Variants in PTPRD observed in about 807,000 individuals in gnomAD.
PTPRD encodes receptor-type tyrosine-protein phosphatase delta.
In PTPRD, 34 loss-of-function variants were observed where a neutral mutation model predicts 214.5. That is an observed-to-expected ratio of 0.16 (90% CI 0.12 to 0.21). PTPRD has a LOEUF of 0.21. PTPRD is among the 10% of genes least tolerant of loss of function. The probability of loss-of-function intolerance (pLI) is 1.00; values close to 1 mark genes in which losing one functional copy is unlikely to be tolerated. For missense variants in PTPRD, 2,545 were observed against 2,398.7 expected (o/e 1.06, Z -1.27); for synonymous variants, 1,128 against 845.7 (o/e 1.33, Z -5.79).
At chr9:9,360,972 T>G (rs1188822774) in intron 9 of PTPRD, among the ~76,000 whole-genome samples, 1 of 151,152 alleles carries the variant, frequency 6.6e-6, no homozygotes, top group Non-Finnish European at 1.5e-5. Context: ...AAGAAAGAAC[T>G]GCAGTGCCAA....
intron 5 of PTPRD, among the ~76,000 whole-genome samples, chr9:9,874,276 T>A (rs1377031237): frequency 6.6e-6 from 1 of 152,168 alleles, no homozygotes; most frequent in Non-Finnish European, 1.5e-5. Flanking sequence ...AAGCTGGCTA[T>A]TATTCATTTT....
intron 9 of PTPRD, among the ~76,000 whole-genome samples, chr9:9,392,012 CAG>C (rs2140946758): frequency 6.6e-6 from 1 of 152,098 alleles, no homozygotes; most frequent in African/African-American, 2.4e-5. Flanking sequence ...TCTTAAGCAA[CAG>C]AGAAAATTTA....
At chr9:10,507,191 T>C (rs1350737604) in intron 2 of PTPRD, among the ~76,000 whole-genome samples, 1 of 152,080 alleles carries the variant, frequency 6.6e-6, no homozygotes, top group African/African-American at 2.4e-5. Flanking sequence ...TGAACTCCCA[T>C]TCACGATTGC....
At chr9:10,490,230 G>A (rs1040035422) in intron 2 of PTPRD, among the ~76,000 whole-genome samples, 13 of 152,060 alleles carry the variant, frequency 8.5e-5, no homozygotes, top group African/African-American at 2.7e-4. Flanking sequence ...GATTATTAGG[G>A]AACTAATGAC....
intron 12 of PTPRD, chr9:8,701,297 C>A (rs2098078099): frequency 6.6e-6 from 1 of 152,216 alleles, no homozygotes; most frequent in African/African-American, 2.4e-5. Flanking sequence ...TATTTCAACT[C>A]AAGTATTATA....
intron 9 of PTPRD, among the ~76,000 whole-genome samples, chr9:9,393,716 C>G (rs748391457): frequency 6.4e-4 from 97 of 152,130 alleles, no homozygotes; most frequent in Admixed American, 2.6e-3. Flanking sequence ...GTAGTTTAAG[C>G]TTTCTAATCC....
intron 12 of PTPRD, among the ~76,000 whole-genome samples, chr9:8,702,915 T>C (rs960826924): frequency 5.3e-5 from 8 of 152,172 alleles, no homozygotes; most frequent in East Asian, 3.9e-4. Flanking sequence ...CCATAAGATA[T>C]ACAATTTAGT....
intron 3 of PTPRD, among the ~76,000 whole-genome samples, chr9:10,302,517 C>T (rs544037516): frequency 1.3e-5 from 2 of 152,254 alleles, no homozygotes; most frequent in South Asian, 4.1e-4. Flanking sequence ...ATTCGGGAGA[C>T]CCATCTCACG....
intron 5 of PTPRD, among the ~76,000 whole-genome samples, chr9:9,929,463 G>A (rs895816486): frequency 2.6e-5 from 4 of 152,156 alleles, no homozygotes; most frequent in Admixed American, 2.6e-4. Context: ...GCGTGATCTT[G>A]TCTCACTGCA....
intron 9 of PTPRD, among the ~76,000 whole-genome samples, chr9:9,353,968 G>T (rs1195778083): frequency 6.6e-6 from 1 of 151,596 alleles, no homozygotes; most frequent in African/African-American, 2.4e-5. Context: ...CTTTGTGATG[G>T]AATGACTGCG....
Position 9,881,274 on chromosome 9 carries a change from C to A in PTPRD, c.-368+57233G>T, listed in dbSNP as rs1435480060. On this transcript the variant is annotated intron_variant, in intron 5 of 45. Coordinates refer to ENST00000381196, the MANE Select transcript of PTPRD (RefSeq NM_002839.4). ...CAATCATCTTTTGGATACATATCTA[C>A]AACTTGACTATCAGCTATTTAATAT... is the stretch of plus-strand genomic sequence containing the variant. Among the ~76,000 whole-genome samples the A allele has an allele frequency of 5.9e-5, 9 of 152,228 alleles. No homozygotes were observed. In the East Asian group the frequency reaches 1.7e-3, roughly 29 times the overall value.
chr9:8,366,359 C>T (rs543101521), intron 39 of PTPRD, among the ~76,000 whole-genome samples: 7 of 152,040 alleles, frequency 4.6e-5, no homozygotes, highest in Non-Finnish European at 1.0e-4. Flanking sequence ...ACTGCTGCCT[C>T]TCCCTTGATG....
At chr9:10,535,959 C>A (rs2757868) in intron 2 of PTPRD, among the ~76,000 whole-genome samples, 27,823 of 152,046 alleles carry the variant, frequency 0.18, 3,336 homozygotes, top group East Asian at 0.51. Context: ...TGGTTTTGGG[C>A]TTCAAAAATC....
chr9:10,322,838 G>A (rs1408164524), intron 3 of PTPRD, among the ~76,000 whole-genome samples: 1 of 151,980 alleles, frequency 6.6e-6, no homozygotes, highest in African/African-American at 2.4e-5. Context: ...GTGCCAACAT[G>A]TCATCAGGGA....
intron 4 of PTPRD, among the ~76,000 whole-genome samples, chr9:10,033,277 A>C (rs1006706311): frequency 7.9e-5 from 12 of 151,892 alleles, no homozygotes; most frequent in African/African-American, 2.9e-4. Flanking sequence ...ATTGAAACAT[A>C]ATAGCTACAT....
At chr9:8,477,131 A>AT (rs1033378706) in intron 30 of PTPRD, among the ~76,000 whole-genome samples, 3 of 152,228 alleles carry the variant, frequency 2.0e-5, no homozygotes, top group African/African-American at 7.2e-5. Context: ...GAAAAAAAAA[A>AT]AAATAAATTG....
intron 11 of PTPRD, among the ~76,000 whole-genome samples, chr9:8,947,218 C>G (rs2099071097): frequency 6.6e-6 from 1 of 151,572 alleles, no homozygotes; most frequent in Non-Finnish European, 1.5e-5. Context: ...AATCCTAGCA[C>G]TTTGGGAGGC....
chr9:8,702,664 A>G (rs1185628704), intron 12 of PTPRD, among the ~76,000 whole-genome samples: 1 of 152,288 alleles, frequency 6.6e-6, no homozygotes, highest in African/African-American at 2.4e-5. Flanking sequence ...CCCCAGCTGG[A>G]GTGCAGTGGC....
At chr9:8,928,592 A>G (rs2098921481) in intron 11 of PTPRD, among the ~76,000 whole-genome samples, 1 of 46,688 alleles carries the variant, frequency 2.1e-5, no homozygotes, top group Non-Finnish European at 4.6e-5. Context: ...TGGTTACTCT[A>G]GCCTTGTAGT....
Sources: gnomAD v4.1 joint callset for allele counts (sites outside exome capture counted in the v4.1 genomes callset) on GRCh38, gnomAD v4.1.1 for gene constraint, MANE v1.5 for transcripts, NCBI Gene and HGNC (gene_info 2026-07-23, HGNC 2026-07-21) for gene names.